ZFPM1: variants seen among roughly 807,000 people sequenced by gnomAD.
ZFPM1 encodes zinc finger protein ZFPM1.
In ZFPM1, 28 loss-of-function variants were observed where a neutral mutation model predicts 46.3. The ratio of observed to expected loss-of-function variants is 0.60; its 90% confidence interval spans 0.45 to 0.83. ZFPM1 has a LOEUF of 0.83. Among genes scored for constraint, ZFPM1 ranks in the 40% least tolerant of loss-of-function variants. The pLI, the probability that ZFPM1 is intolerant of heterozygous loss-of-function variation, is 0.00. For missense variants in ZFPM1, 1,878 were observed against 1,432.4 expected (o/e 1.31, Z -5.02); for synonymous variants, 957 against 675.9 (o/e 1.42, Z -6.45).
chr16:88,527,666 C>T (rs1040323607), intron 5 of ZFPM1, among the ~76,000 whole-genome samples: 1 of 151,926 alleles, frequency 6.6e-6, no homozygotes, highest in Non-Finnish European at 1.5e-5. Context: ...CGCCCTTGGA[C>T]GGTTTCCTGG....
chr16:88,461,602 C>G (rs901204665), intron 1 of ZFPM1, among the ~76,000 whole-genome samples: 1 of 152,118 alleles, frequency 6.6e-6, no homozygotes, highest in Non-Finnish European at 1.5e-5. Context: ...CCTAGGGACA[C>G]GTCTGTGAGG....
intron 1 of ZFPM1, among the ~76,000 whole-genome samples, chr16:88,478,302 T>C (rs1355547200): frequency 6.6e-6 from 1 of 152,186 alleles, no homozygotes; most frequent in Non-Finnish European, 1.5e-5. Context: ...GCATCCGCTT[T>C]TGTGGTTGCC....
rs1909201057 is a variant in ZFPM1 at position 88,486,005 on chromosome 16, A to C, written c.107A>C (p.Lys36Thr). 1.9e-6 allele frequency: 3 copies of C among 1,612,822 alleles called. No homozygotes were observed. The highest frequency in any genetic ancestry group is 4.5e-5 in the East Asian group (2 of 44,874). The change falls in exon 2 of 10, where the codon AAG (lysine) becomes ACG (threonine). Residue 36 changes from lysine to threonine, a missense_variant. Transcript: ENST00000319555. ...GTGGGTGCCAGCCACATGGAGCAAA[A>C]GGCCACGGCACCTGAAGCCCCGAGC... ...QLVGASHMEQKATAPEAPSPP... is the reference protein window; with the variant it reads ...QLVGASHMEQTATAPEAPSPP...
In ZFPM1 at chr16:88,536,792, A is replaced by G. The variant is rs1913262716; in HGVS notation, c.*1813A>G. On this transcript the variant is annotated 3_prime_UTR_variant, in exon 10 of 10. Transcript: ENST00000319555. Reference sequence around the variant, plus strand: ...GGCAAGCAGCCTTTTCCTCACAGACACCCCTTCTGTTGAAGACCAGGTGAT... The same window carrying G: ...GGCAAGCAGCCTTTTCCTCACAGACGCCCCTTCTGTTGAAGACCAGGTGAT... The G allele has an allele frequency of 6.6e-6, 1 of 151,908 alleles. No homozygotes were observed. Among genetic ancestry groups the G allele is most frequent in the Non-Finnish European group, 1.5e-5 (1 of 68,018 alleles). 9.4% of individuals were successfully genotyped at this position (151,908 alleles called of 1,614,324 possible).
chr16:88,475,934 G>A (rs967186196), intron 1 of ZFPM1, among the ~76,000 whole-genome samples: 2 of 152,190 alleles, frequency 1.3e-5, no homozygotes, highest in African/African-American at 2.4e-5. Flanking sequence ...GGGCAGTTAA[G>A]CCCACCAGGT....
At position 88,491,822 on chromosome 16, in the gene ZFPM1, G is replaced by A. The variant is rs953831250; in HGVS notation, c.268+2669G>A. ...ACGCGGCCGCTGGCCAACCGCTGCAGTGGCTACGGCCTATCAGACCCACAC... is the reference window on the plus strand; with the variant it reads ...ACGCGGCCGCTGGCCAACCGCTGCAATGGCTACGGCCTATCAGACCCACAC... On this transcript the variant is annotated intron_variant, in intron 3 of 9. Coordinates refer to ENST00000319555, the MANE Select transcript of ZFPM1 (RefSeq NM_153813.3). Among the ~76,000 whole-genome samples, 3 of 152,336 alleles carry A rather than the reference G, an allele frequency of 2.0e-5. 1 individual carries two copies. The South Asian group carries it at 6.2e-4, about 32-fold the overall frequency.
chr16:88,465,345 G>A (rs778631683), intron 1 of ZFPM1, among the ~76,000 whole-genome samples: 2 of 152,270 alleles, frequency 1.3e-5, no homozygotes. Flanking sequence ...GCCCTCTGTC[G>A]GGGAAGTGCC....
intron 1 of ZFPM1, among the ~76,000 whole-genome samples, chr16:88,461,103 AGGCCCTGGTGAGGACCCAGGGAT>A (rs1907838245): frequency 1.4e-4 from 9 of 65,024 alleles, no homozygotes; most frequent in African/African-American, 5.6e-4. Flanking sequence ...AAGGGGCAGG[AGGCCCTGGTGAGGACCCAGGGAT>A]GGGGCGGGAG....
rs567831428 is a variant in ZFPM1, at chr16:88,469,581, C to T, written c.40+15903C>T. Among the ~76,000 whole-genome samples the T allele has an allele frequency of 6.6e-6, 1 of 152,274 alleles. No homozygotes were observed. Among genetic ancestry groups the T allele is most frequent in the East Asian group, 1.9e-4 (1 of 5,162 alleles). On this transcript the variant is annotated intron_variant, in intron 1 of 9. Transcript: ENST00000319555. This position sits in a 1 kb window ranked among gnomAD's most constrained non-coding sequence, Gnocchi z 4.3. ...TTAGGACACCTTAGGGGGCATGCAC[C>T]TGTGTTCTGCATCCACCCACACTGC...
intron 4 of ZFPM1, among the ~76,000 whole-genome samples, chr16:88,526,215 G>A (rs1475909366): frequency 2.0e-5 from 3 of 152,202 alleles, no homozygotes; most frequent in Non-Finnish European, 4.4e-5. Context: ...AACGCAGGTG[G>A]CCCTGCCACG....
chr16:88,471,703 C>G lies in ZFPM1; in HGVS notation c.41-14236C>G, dbSNP rs552685429. Among the ~76,000 whole-genome samples, 87 of 152,374 alleles carry G rather than the reference C, an allele frequency of 5.7e-4. No homozygotes were observed. The highest frequency in any genetic ancestry group is 2.1e-3 in the African/African-American group (86 of 41,578). The stretch of plus-strand genomic sequence containing the variant: ...ACAGTGGAGGGGTCAGGGCTCCCGG[C>G]TCTAAAGCCACATGGCCTGGGCATG... On this transcript the variant is annotated intron_variant, in intron 1 of 9. Transcript: ENST00000319555. The surrounding 1 kb of genome is among the most constrained non-coding windows in gnomAD (Gnocchi z 4.1).
At chr16:88,477,774 T>A (rs1236285200) in intron 1 of ZFPM1, among the ~76,000 whole-genome samples, 1 of 152,248 alleles carries the variant, frequency 6.6e-6, no homozygotes, top group Non-Finnish European at 1.5e-5. Flanking sequence ...TCCATCTCAA[T>A]TGAATATTTA....
chr16:88,458,268 A>G (rs1907645850), intron 1 of ZFPM1, among the ~76,000 whole-genome samples: 1 of 152,168 alleles, frequency 6.6e-6, no homozygotes, highest in African/African-American at 2.4e-5. Context: ...CATCTGTGAA[A>G]TGGGCCTTTG....
At chr16:88,455,135 GTGTGTGTGT>G (rs1567523271) in intron 1 of ZFPM1, among the ~76,000 whole-genome samples, 548 of 49,826 alleles carry the variant, frequency 0.011, 4 homozygotes, top group African/African-American at 0.036. Flanking sequence ...GTTCTGGGGT[GTGTGTGTGT>G]GTGTGTGTGT....
At chr16:88,533,063 C>T (rs1912925889) in intron 9 of ZFPM1, 85 bp from the exon 10 acceptor site, 9 of 1,470,734 alleles carry the variant, frequency 6.1e-6, no homozygotes, top group Non-Finnish European at 6.3e-6. Context: ...CCGCCCACCC[C>T]TCCCCTTCCG....
At chr16:88,521,173 C>A (rs76421210) in intron 4 of ZFPM1, among the ~76,000 whole-genome samples, 1 of 151,752 alleles carries the variant, frequency 6.6e-6, no homozygotes, top group East Asian at 1.9e-4. Context: ...TCAGTGTTCC[C>A]TCCCCCATGC....
At chr16:88,473,861 G>A (rs893052721) in intron 1 of ZFPM1, among the ~76,000 whole-genome samples, 3 of 152,120 alleles carry the variant, frequency 2.0e-5, no homozygotes, top group East Asian at 1.9e-4. Context: ...ACGGCCCCAC[G>A]CGGCCTCGCC....
intron 4 of ZFPM1, among the ~76,000 whole-genome samples, chr16:88,518,001 G>C (rs1021149188): frequency 3.3e-5 from 5 of 152,078 alleles, no homozygotes; most frequent in Non-Finnish European, 7.4e-5. Context: ...ATGAAGTCAG[G>C]AGATCGAGAC....
At chr16:88,529,295 G>A (rs971965403) in intron 6 of ZFPM1, among the ~76,000 whole-genome samples, 2 of 152,224 alleles carry the variant, frequency 1.3e-5, no homozygotes, top group South Asian at 2.1e-4. Context: ...GCGTTTGGAG[G>A]GGGACGGTAA....
Sources: gnomAD v4.1 joint callset for allele counts (sites outside exome capture counted in the v4.1 genomes callset) on GRCh38, gnomAD v4.1.1 for gene constraint, Gnocchi (gnomAD v3.1) non-coding constraint, MANE v1.5 for transcripts, NCBI Gene and HGNC (gene_info 2026-07-23, HGNC 2026-07-21) for gene names.